Variants in TTK observed in about 807,000 individuals in gnomAD.
TTK encodes the protein TTK protein kinase, also known as dual specificity protein kinase TTK.
Under a neutral mutation model 117.3 loss-of-function variants are expected in TTK, and 59 were observed. The observed-to-expected ratio is 0.50, with a 90% CI of 0.41 to 0.62. The LOEUF (loss-of-function observed/expected upper bound fraction) is 0.62. Among genes scored for constraint, TTK ranks in the 20% least tolerant of loss-of-function variants. TTK has a pLI of 0.00. For missense variants in TTK, 921 were observed against 989.4 expected (o/e 0.93, Z 0.93); for synonymous variants, 302 against 325.0 (o/e 0.93, Z 0.76).
chr6:80,036,410 G>C, intron 16 of TTK, 65 bp from the exon 17 acceptor site: 5 of 1,531,278 alleles, frequency 3.3e-6, no homozygotes, highest in Non-Finnish European at 3.5e-6. Flanking sequence ...CCTGTAGACT[G>C]TGAATTTTTT....
chr6:80,027,664 C>G (rs1268834233), intron 12 of TTK, among the ~76,000 whole-genome samples: 1 of 152,104 alleles, frequency 6.6e-6, no homozygotes, highest in East Asian at 1.9e-4. Flanking sequence ...ACAAAGATTT[C>G]TTGTCTGCAT....
chr6:80,031,544 T>G lies in TTK; in HGVS notation c.1599T>G (p.Ser533Arg). The G allele has an allele frequency of 2.6e-6, 4 of 1,524,598 alleles. No homozygotes were observed. The highest frequency in any genetic ancestry group is 3.5e-6 in the Non-Finnish European group (4 of 1,142,982). The allele number at this position is 1,524,598 out of a possible 1,614,324, so 94.4% of individuals were successfully genotyped here. Residue 533 changes from serine to arginine, a missense_variant, in exon 14 of 22, where the codon AGT becomes AGG. By Grantham distance (110) the Ser-to-Arg change is moderately radical (BLOSUM62 -1). Transcript: ENST00000369798. The stretch of plus-strand genomic sequence containing the variant: ...ATTCCATATTAAAGCAGATAGGAAG[T>G]GGAGGTTCAAGCAAGGTAAGTATCT... The part of the protein sequence containing the change: ...RIYSILKQIG[S>R]GGSSKVFQVL...
At chr6:80,040,988 G>A (rs540088809) in intron 21 of TTK, among the ~76,000 whole-genome samples, 1 of 151,918 alleles carries the variant, frequency 6.6e-6, no homozygotes, top group African/African-American at 2.4e-5. Context: ...GGAATATAGT[G>A]TGTCTTTTAA....
rs138116009 is a variant in TTK, at chr6:80,013,656, A to C, written c.984+290A>C. 1.2e-3 allele frequency: 239 copies of C among 204,156 alleles called. 1 individual carries two copies. The highest frequency in any genetic ancestry group is 4.8e-3 in the African/African-American group (208 of 43,152). 12.6% of individuals were successfully genotyped at this position (204,156 alleles called of 1,614,324 possible). Reference sequence around the variant, plus strand: ...GCAGATAGTTGGCCTGGGTTTGGGAATACGTGACTGGGGGAACTGTTGCCC... The same window carrying C: ...GCAGATAGTTGGCCTGGGTTTGGGACTACGTGACTGGGGGAACTGTTGCCC... On this transcript the variant is annotated intron_variant, in intron 9 of 21. Transcript: ENST00000369798.
At chr6:80,009,367 G>A (rs1232537546) in intron 4 of TTK, among the ~76,000 whole-genome samples, 1 of 152,012 alleles carries the variant, frequency 6.6e-6, no homozygotes, top group African/African-American at 2.4e-5. Flanking sequence ...ACCCTGAATT[G>A]TTACCCATTC....
At chr6:80,028,087 G>A in intron 13 of TTK, 76 bp downstream of exon 13, 3 of 1,419,842 alleles carry the variant, frequency 2.1e-6, no homozygotes, top group Non-Finnish European at 2.8e-6. Flanking sequence ...ATAGCATCTA[G>A]TTATCAAGAA....
chr6:80,011,608 T>C, intron 6 of TTK, 60 bp downstream of exon 6: 1 of 1,544,886 alleles, frequency 6.5e-7, no homozygotes, highest in Admixed American at 1.8e-5. Context: ...TCTGTGTTTT[T>C]TAATGTAATT....
intron 14 of TTK, 39 bp downstream of exon 14, chr6:80,031,598 T>C: frequency 7.1e-7 from 1 of 1,411,772 alleles, no homozygotes; most frequent in African/African-American, 1.5e-5. Context: ...AATAAAAATA[T>C]TTTAAACTTT....
At chr6:80,007,281 T>C (rs1767018687) in intron 2 of TTK, among the ~76,000 whole-genome samples, 1 of 152,148 alleles carries the variant, frequency 6.6e-6, no homozygotes, top group Admixed American at 6.5e-5. Context: ...TGTTTATTTT[T>C]TGTAAAGCTG....
At chr6:80,041,700 CTAAT>C (rs1562028088) in intron 21 of TTK, among the ~76,000 whole-genome samples, 1 of 150,680 alleles carries the variant, frequency 6.6e-6, no homozygotes, top group African/African-American at 2.4e-5. Flanking sequence ...TAATATATAT[CTAAT>C]TATTATATTT....
chr6:80,017,553 A>C (rs184568346), intron 10 of TTK, among the ~76,000 whole-genome samples: 1 of 152,320 alleles, frequency 6.6e-6, no homozygotes, highest in African/African-American at 2.4e-5. Flanking sequence ...TGCTGGGATT[A>C]CAAGTGTGAG....
chr6:80,014,394 A>T, intron 9 of TTK, 69 bp from the exon 10 acceptor site: 1 of 1,415,866 alleles, frequency 7.1e-7, no homozygotes, highest in Non-Finnish European at 9.4e-7. Flanking sequence ...ACTTTAGTAT[A>T]TTGAACAGTA....
chr6:80,017,384 C>T (rs1767336126), intron 10 of TTK, among the ~76,000 whole-genome samples: 1 of 152,090 alleles, frequency 6.6e-6, no homozygotes, highest in Non-Finnish European at 1.5e-5. Flanking sequence ...CACAAGTGAT[C>T]CTTCTACCTC....
intron 13 of TTK, among the ~76,000 whole-genome samples, chr6:80,030,059 A>G (rs3799494): frequency 0.069 from 10,528 of 152,256 alleles, 409 homozygotes; most frequent in South Asian, 0.12. Context: ...TAGACAATGT[A>G]TCTCAATCCT....
intron 17 of TTK, 54 bp from the exon 18 acceptor site, chr6:80,037,913 A>C: frequency 8.3e-6 from 9 of 1,088,792 alleles, no homozygotes; most frequent in Non-Finnish European, 1.1e-5. Flanking sequence ...AAAAAAATCT[A>C]AAGCAGAATT....
chr6:80,041,031 C>G (rs896516164), intron 21 of TTK, among the ~76,000 whole-genome samples: 2 of 151,716 alleles, frequency 1.3e-5, no homozygotes, highest in Non-Finnish European at 3.0e-5. Flanking sequence ...CTTTTGAATT[C>G]ATTCCTTTTA....
chr6:80,039,964 T>G (rs1768003382), intron 19 of TTK, 92 bp downstream of exon 19: 2 of 1,101,236 alleles, frequency 1.8e-6, no homozygotes, highest in Middle Eastern at 3.3e-4. Flanking sequence ...AACTGTTCTA[T>G]TCAAAAGAAT....
chr6:80,011,071 T>G (rs1173540741), intron 5 of TTK, 114 bp downstream of exon 5: 18 of 1,278,454 alleles, frequency 1.4e-5, no homozygotes, highest in Non-Finnish European at 1.9e-5. Flanking sequence ...AATCTAAGAT[T>G]AAATTGTAAA....
In TTK at chr6:80,026,410, T is replaced by A; in HGVS notation, c.1290T>A (p.Phe430Leu). 1 of 1,613,580 alleles carries A rather than the reference T, an allele frequency of 6.2e-7. No homozygotes were observed. The highest frequency in any genetic ancestry group is 8.5e-7 in the Non-Finnish European group (1 of 1,179,778). Residue 430 changes from phenylalanine (F) to leucine (L), a missense_variant, in exon 12 of 22, where the codon TTT becomes TTA. Physicochemically the swap from Phe to Leu is conservative, Grantham distance 22. Transcript: ENST00000369798. ...ATACCACTTTTGAGCAACCTGTCTT[T>A]TCAGTTTCAAAACAGTCACCACCAA... ...QKHTTFEQPV[F>L]SVSKQSPPIS...
Sources: allele counts gnomAD v4.1 joint callset (sites outside exome capture counted in the v4.1 genomes callset), GRCh38; gene constraint gnomAD v4.1.1; transcripts MANE v1.5; gene names NCBI Gene and HGNC (gene_info 2026-07-23, HGNC 2026-07-21).